The following DNAJA4 variants were observed in gnomAD, a reference collection of about 807,000 sequenced individuals.
DNAJA4 encodes the protein DnaJ heat shock protein family (Hsp40) member A4.
Under a neutral mutation model 39.7 loss-of-function variants are expected in DNAJA4, and 32 were observed. That is an observed-to-expected ratio of 0.81 (90% confidence interval 0.61 to 1.08). DNAJA4 has a LOEUF of 1.08. Among genes scored for constraint, DNAJA4 ranks in the 50% least tolerant of loss-of-function variants. DNAJA4 has a pLI of 0.00. For synonymous variants in DNAJA4, 184 were observed against 182.4 expected, an observed-to-expected ratio of 1.01 and a Z score of -0.07; for missense variants, 439 against 505.1, an observed-to-expected ratio of 0.87 and a Z score of 1.25.
intron 5 of DNAJA4, among the ~76,000 whole-genome samples, chr15:78,278,542 T>C (rs1209575220): frequency 6.6e-6 from 1 of 152,208 alleles, no homozygotes; most frequent in Non-Finnish European, 1.5e-5. Context: ...AGTACGATGC[T>C]GAGTATGTGA....
At position 78,277,254 on chromosome 15, in the gene DNAJA4, A is replaced by C. The variant is rs376941713; in HGVS notation, c.877+1526A>C. Among the ~76,000 whole-genome samples the C allele has an allele frequency of 7.4e-4, 112 of 152,072 alleles. 3 individuals carry two copies. The highest frequency in any genetic ancestry group is 2.6e-3 in the African/African-American group (109 of 41,480). On this transcript the variant is annotated intron_variant, in intron 5 of 6. Transcript: ENST00000394852. ...GGCTGGAGTGCAGTGGCGTGATCTC[A>C]GCTCGCTGTAACCTCCACCTCAGCC... is the stretch of plus-strand genomic sequence containing the variant.
Position 78,274,190 on chromosome 15 carries a change from C to T in DNAJA4, c.419-7C>T. ...GGCCCTCATTCCTGCCTCCCCTGAC[C>T]CTGCAGGTGTTGGTGGGAAGAAGGG... On this transcript the variant is annotated splice_polypyrimidine_tract_variant and splice_region_variant and intron_variant, in intron 3 of 6. Transcript: ENST00000394852. The T allele has an allele frequency of 6.2e-7, 1 of 1,612,128 alleles. No individual in the cohort carries two copies. The highest frequency in any genetic ancestry group is 8.5e-7 in the Non-Finnish European group (1 of 1,178,738).
chr15:78,267,185 T>TGTGAGTGTGTATGA (rs142469778), intron 1 of DNAJA4, among the ~76,000 whole-genome samples: 13 of 102,602 alleles, frequency 1.3e-4, no homozygotes, highest in Non-Finnish European at 2.5e-4. Context: ...TGTGTGAGTG[T>TGTGAGTGTGTATGA]GTGTGTGAGT....
At chr15:78,273,883 A>T (rs1279415651) in intron 3 of DNAJA4, among the ~76,000 whole-genome samples, 1 of 152,180 alleles carries the variant, frequency 6.6e-6, no homozygotes, top group Non-Finnish European at 1.5e-5. Flanking sequence ...CCACAGCCCC[A>T]GCCTCCTCAT....
rs769579376 is a variant in DNAJA4 at position 78,274,373 on chromosome 15, G to A, written c.595G>A (p.Gly199Arg). The change falls in exon 4 of 7, where the codon GGG becomes AGG. Residue 199 changes from glycine (G) to arginine (R), a missense_variant. Transcript: ENST00000394852. ...CAAGGACCGCTGCGAGAGCTGCAGC[G>A]GGGCCAAGGTGATCCGTGAGAAGAA... ...NPKDRCESCS[G>R]AKVIREKKII... The A allele has an allele frequency of 2.6e-5, 42 of 1,614,116 alleles. No individual in the cohort carries two copies. Among genetic ancestry groups the A allele is most frequent in the Middle Eastern group, 1.6e-4 (1 of 6,084 alleles).
Position 78,275,517 on chromosome 15 carries a change from G to T in DNAJA4, c.666G>T (p.Lys222Asn). The T allele has an allele frequency of 6.2e-7, 1 of 1,614,016 alleles. No homozygotes were observed. Among genetic ancestry groups the T allele is most frequent in the Non-Finnish European group, 8.5e-7 (1 of 1,179,914 alleles). Reference protein sequence around the residue: ...HVEKGMKDGQKILFHGEGDQE... With the variant: ...HVEKGMKDGQNILFHGEGDQE... ...TCATAGGTATGAAAGATGGGCAAAA[G>T]ATACTATTTCATGGAGAAGGAGATC... The change falls in exon 5 of 7, where the codon AAG becomes AAT. Residue 222 changes from lysine (K) to asparagine (N), a missense_variant. By Grantham distance (94) the Lys-to-Asn change is moderately conservative. Coordinates refer to ENST00000394852, the MANE Select transcript of DNAJA4 (RefSeq NM_001130182.2).
rs1193418462 is a variant in DNAJA4, at chr15:78,278,065, A to G, written c.878-1980A>G. The G allele has an allele frequency of 6.6e-6, 3 of 455,722 alleles. No homozygotes were observed. The East Asian group carries it at 2.1e-4, about 32-fold the overall frequency. 28.2% of individuals were successfully genotyped at this position (455,722 alleles called of 1,614,324 possible). On this transcript the variant is annotated intron_variant, in intron 5 of 6. Coordinates refer to ENST00000394852, the MANE Select transcript of DNAJA4 (RefSeq NM_001130182.2). ...GCTGTTGAAATGCCTTCTTCCCCAG[A>G]GCCTTTTAGCCTGTTATGAGCATTG...
At chr15:78,264,218 A>C, upstream of DNAJA4, 11 of 895,344 alleles carry the variant, frequency 1.2e-5, no homozygotes, top group Non-Finnish European at 1.7e-5. Flanking sequence ...AGCCGGCTCC[A>C]CGGACCCACG....
At chr15:78,278,010 T>C in intron 5 of DNAJA4, 1 of 455,446 alleles carries the variant, frequency 2.2e-6, no homozygotes, top group Non-Finnish European at 4.4e-6. Flanking sequence ...GTTTCTCCAT[T>C]TTCTCTTCTC....
intron 1 of DNAJA4, among the ~76,000 whole-genome samples, chr15:78,269,501 C>CTAT (rs1158454015): frequency 8.1e-6 from 1 of 123,132 alleles, no homozygotes; most frequent in East Asian, 2.5e-4. Context: ...TTTGTTTTAT[C>CTAT]TATTATTATT....
intron 5 of DNAJA4, chr15:78,278,449 C>G: frequency 5.4e-6 from 2 of 369,422 alleles, no homozygotes; most frequent in South Asian, 4.0e-5. Flanking sequence ...GCCTGCTACA[C>G]CCTAGGCTGT....
chr15:78,275,868 A>T (rs1180769457), intron 5 of DNAJA4, 140 bp downstream of exon 5: 1 of 639,404 alleles, frequency 1.6e-6, no homozygotes, highest in African/African-American at 1.8e-5. Flanking sequence ...CTTGCATAAA[A>T]TGGGTAATGA....
intron 3 of DNAJA4, among the ~76,000 whole-genome samples, chr15:78,273,868 GATCGCCACAGCCCCAGCCTCCTC>G (rs2049370862): frequency 1.3e-5 from 2 of 152,198 alleles, no homozygotes; most frequent in Admixed American, 1.3e-4. Flanking sequence ...GTGTTGTCTA[GATCGCCACAGCCCCAGCCTCCTC>G]ATTCATCTGT....
intron 5 of DNAJA4, chr15:78,278,314 G>A: frequency 2.2e-6 from 1 of 455,516 alleles, no homozygotes; most frequent in South Asian, 1.6e-5. Flanking sequence ...GATAGGAATG[G>A]GGAGACAGAA....
Position 78,264,936 on chromosome 15 carries a change from C to T in DNAJA4, c.132+41C>T, listed in dbSNP as rs769314921. Reference sequence around the variant, plus strand: ...GGGCACGGGCCGGGCTCCCGAGGGGCCAAGGGTTATTAAGCCAGGAGCATT... The same window carrying T: ...GGGCACGGGCCGGGCTCCCGAGGGGTCAAGGGTTATTAAGCCAGGAGCATT... On this transcript the variant is annotated intron_variant, in intron 1 of 6. Transcript: ENST00000394852. 5.2e-6 allele frequency: 8 copies of T among 1,530,896 alleles called. No individual in the cohort carries two copies. In the African/African-American group the frequency reaches 7.1e-5, roughly 14 times the overall value. 94.8% of individuals were successfully genotyped at this position (1,530,896 alleles called of 1,614,324 possible).
intron 2 of DNAJA4, 113 bp downstream of exon 2, chr15:78,270,790 G>C: frequency 8.5e-7 from 1 of 1,171,704 alleles, no homozygotes; most frequent in Non-Finnish European, 1.2e-6. Flanking sequence ...AGGCGCGGTG[G>C]TTCATGTCTG....
At chr15:78,278,183 C>CT (rs2049529399) in intron 5 of DNAJA4, 2 of 455,918 alleles carry the variant, frequency 4.4e-6, no homozygotes, top group Non-Finnish European at 4.4e-6. Context: ...CCGGGAGAGC[C>CT]TAACTCGTGG....
In DNAJA4 at chr15:78,270,332, G is replaced by GT. The variant is rs1391902197; in HGVS notation, c.133-164dup. On this transcript the variant is annotated intron_variant, in intron 1 of 6. Coordinates refer to ENST00000394852, the MANE Select transcript of DNAJA4 (RefSeq NM_001130182.2). ...CTGTGTTTCCCACTTTACCAAAGGA[G>GT]TAGGTAGACAGGCAAGTCAGATTCC... is the stretch of plus-strand genomic sequence containing the variant. 2.7e-5 allele frequency: 18 copies of GT among 658,470 alleles called. No homozygotes were observed. In the African/African-American group the frequency reaches 3.1e-4, roughly 11 times the overall value. 40.8% of individuals were successfully genotyped at this position (658,470 alleles called of 1,614,324 possible). A position where few individuals can be genotyped will look rare whatever the true frequency, so the allele number is the denominator to read the frequency against.
At chr15:78,270,754 A>T (rs1255879297) in intron 2 of DNAJA4, 77 bp downstream of exon 2, 1 of 1,500,208 alleles carries the variant, frequency 6.7e-7, no homozygotes, top group African/African-American at 1.4e-5. Flanking sequence ...AGGATAGATC[A>T]TGCTTTAAAA....
Sources: allele counts gnomAD v4.1 joint callset (sites outside exome capture counted in the v4.1 genomes callset), GRCh38; gene constraint gnomAD v4.1.1; transcripts MANE v1.5; gene names NCBI Gene and HGNC (gene_info 2026-07-23, HGNC 2026-07-21).